Variants in RBFOX1 observed in about 807,000 individuals in gnomAD.
The protein encoded by RBFOX1 is RNA binding protein fox-1 homolog 1.
Under a neutral mutation model 57.7 loss-of-function variants are expected in RBFOX1, and 8 were observed. That is an observed-to-expected ratio of 0.14 (90% CI 0.08 to 0.25). The LOEUF (loss-of-function observed/expected upper bound fraction) is 0.25. Ranked by LOEUF, RBFOX1 falls within the 10% of genes least tolerant of loss-of-function variation. The probability of loss-of-function intolerance (pLI) is 1.00; values close to 1 mark genes in which losing one functional copy is unlikely to be tolerated. For synonymous variants in RBFOX1, 326 were observed against 222.4 expected (o/e 1.47, Z -4.15); for missense variants, 611 against 548.5 (o/e 1.11, Z -1.14).
chr16:6,514,936 A>C (rs1469502877), intron 2 of RBFOX1, among the ~76,000 whole-genome samples: 1 of 152,072 alleles, frequency 6.6e-6, no homozygotes, highest in Admixed American at 6.6e-5. Context: ...GAGGACATGA[A>C]GGAGGAAGAG....
chr16:6,672,001 T>C (rs1256476652), intron 3 of RBFOX1, among the ~76,000 whole-genome samples: 3 of 152,236 alleles, frequency 2.0e-5, no homozygotes, highest in South Asian at 2.1e-4. Flanking sequence ...GGCTTGGTCA[T>C]ATGTTAACTT....
At chr16:5,369,731 G>C (rs1008210028) in intron 1 of RBFOX1, among the ~76,000 whole-genome samples, 1 of 152,276 alleles carries the variant, frequency 6.6e-6, no homozygotes, top group South Asian at 2.1e-4. Context: ...TTGTGTGGTT[G>C]AAGCCACCCT....
chr16:5,746,087 C>T (rs973761292), intron 3 of RBFOX1, among the ~76,000 whole-genome samples: 1 of 152,212 alleles, frequency 6.6e-6, no homozygotes, highest in Non-Finnish European at 1.5e-5. Context: ...ACATTTAAGT[C>T]TTGAATCCAT....
At chr16:5,499,473 G>T (rs907537217) in intron 2 of RBFOX1, among the ~76,000 whole-genome samples, 1 of 152,164 alleles carries the variant, frequency 6.6e-6, no homozygotes, top group Non-Finnish European at 1.5e-5. Flanking sequence ...TTGAGAGATG[G>T]ACAAACAGAG....
At chr16:6,478,412 TA>T (rs1567368434) in intron 2 of RBFOX1, among the ~76,000 whole-genome samples, 244 of 24,024 alleles carry the variant, frequency 0.01, 11 homozygotes, top group African/African-American at 0.03. Context: ...TATATATATA[TA>T]TATATATATA....
intron 1 of RBFOX1, among the ~76,000 whole-genome samples, chr16:5,308,088 C>G (rs1318057854): frequency 2.0e-5 from 3 of 152,116 alleles, no homozygotes; most frequent in Non-Finnish European, 2.9e-5. Context: ...GCTTGTAATC[C>G]CAGCATTTTG....
intron 3 of RBFOX1, among the ~76,000 whole-genome samples, chr16:5,699,957 T>C (rs966653035): frequency 3.3e-5 from 5 of 152,116 alleles, no homozygotes; most frequent in African/African-American, 7.2e-5. Flanking sequence ...CTCAGCCTCC[T>C]GAGTAGCTGG....
chr16:7,267,853 C>T (rs1330985399), intron 4 of RBFOX1, among the ~76,000 whole-genome samples: 1 of 152,148 alleles, frequency 6.6e-6, no homozygotes, highest in African/African-American at 2.4e-5. Context: ...GAGACCCTGT[C>T]TCAAAAATTA....
At chr16:6,245,470 C>T (rs1247267419) in intron 1 of RBFOX1, among the ~76,000 whole-genome samples, 1 of 152,156 alleles carries the variant, frequency 6.6e-6, no homozygotes, top group Non-Finnish European at 1.5e-5. Context: ...AGACCCTGGA[C>T]CAGACCACAG....
chr16:5,462,358 C>T (rs551702708), intron 1 of RBFOX1, among the ~76,000 whole-genome samples: 59 of 151,794 alleles, frequency 3.9e-4, no homozygotes, highest in African/African-American at 1.3e-3. Flanking sequence ...TTAGTAGAGA[C>T]GGGGTTTCAC....
At chr16:6,054,384 T>G (rs995628762) in intron 1 of RBFOX1, among the ~76,000 whole-genome samples, 9 of 152,190 alleles carry the variant, frequency 5.9e-5, no homozygotes, top group African/African-American at 2.2e-4. Flanking sequence ...TGAGGTTTTA[T>G]TAAGTATCAA....
intron 2 of RBFOX1, among the ~76,000 whole-genome samples, chr16:6,382,840 A>G (rs2091937982): frequency 6.6e-6 from 1 of 152,200 alleles, no homozygotes; most frequent in African/African-American, 2.4e-5. Flanking sequence ...AGCCTGGGCA[A>G]CAGAGTGAGA....
At chr16:6,989,268 G>A (rs1037514716) in intron 3 of RBFOX1, among the ~76,000 whole-genome samples, 1 of 151,988 alleles carries the variant, frequency 6.6e-6, no homozygotes, top group Admixed American at 6.6e-5. Context: ...TTTTTCTCTT[G>A]GGCAGTATGG....
intron 4 of RBFOX1, among the ~76,000 whole-genome samples, chr16:7,090,248 T>G (rs1256969637): frequency 1.3e-5 from 2 of 152,212 alleles, no homozygotes; most frequent in Non-Finnish European, 2.9e-5. Context: ...GAATCCATAT[T>G]CAGTTTACTC....
chr16:7,390,833 A>G (rs993812374), intron 4 of RBFOX1, among the ~76,000 whole-genome samples: 3 of 152,158 alleles, frequency 2.0e-5, no homozygotes, highest in East Asian at 1.9e-4. Context: ...GATTCCAACA[A>G]TCGAGTTGTT....
intron 10 of RBFOX1, among the ~76,000 whole-genome samples, chr16:7,615,712 T>G: frequency 6.6e-6 from 1 of 152,122 alleles, no homozygotes; most frequent in East Asian, 1.9e-4. Flanking sequence ...TTGTTACATC[T>G]TGGGTGGTGG....
At chr16:6,183,628 A>G (rs2097084220) in intron 1 of RBFOX1, among the ~76,000 whole-genome samples, 1 of 152,156 alleles carries the variant, frequency 6.6e-6, no homozygotes, top group South Asian at 2.1e-4. Context: ...GTGCAGAAAC[A>G]TGGAGGTGGT....
chr16:7,263,516 T>C (rs946534678), intron 4 of RBFOX1, among the ~76,000 whole-genome samples: 1 of 152,058 alleles, frequency 6.6e-6, no homozygotes, highest in Non-Finnish European at 1.5e-5. Flanking sequence ...ACCTACAGTA[T>C]TGTAGTTCCT....
intron 11 of RBFOX1, among the ~76,000 whole-genome samples, chr16:7,645,352 A>AT (rs1414050831): frequency 6.6e-6 from 1 of 152,180 alleles, no homozygotes; most frequent in Non-Finnish European, 1.5e-5. Flanking sequence ...CTGCAAGGTA[A>AT]TTAATCACTA....
Sources: gnomAD v4.1 joint callset for allele counts (sites outside exome capture counted in the v4.1 genomes callset) on GRCh38, gnomAD v4.1.1 for gene constraint, MANE v1.5 for transcripts, NCBI Gene and HGNC (gene_info 2026-07-23, HGNC 2026-07-21) for gene names.